The following GPC6 variants were observed in gnomAD, a reference collection of about 807,000 sequenced individuals.
GPC6 encodes glypican-6.
A neutral mutation model predicts 55.2 loss-of-function variants in GPC6; 14 were observed. The observed-to-expected ratio is 0.25, with a 90% CI of 0.17 to 0.40. The LOEUF (loss-of-function observed/expected upper bound fraction) is 0.40, where lower values mean the gene tolerates loss of function less well. Among genes scored for constraint, GPC6 ranks in the 10% least tolerant of loss-of-function variants. The pLI is 1.00. For synonymous variants in GPC6, 278 were observed against 259.6 expected (o/e 1.07, Z -0.68); for missense variants, 641 against 708.5 (o/e 0.90, Z 1.08).
intron 1 of GPC6, among the ~76,000 whole-genome samples, chr13:93,327,055 A>T (rs2139131393): frequency 6.6e-6 from 1 of 152,356 alleles, no homozygotes; most frequent in South Asian, 2.1e-4. Context: ...AAAGAAAAAA[A>T]GGATGAGAAT....
chr13:93,332,261 C>CTG (rs1879877661), intron 1 of GPC6, among the ~76,000 whole-genome samples: 1 of 129,950 alleles, frequency 7.7e-6, no homozygotes, highest in African/African-American at 2.8e-5. Context: ...TTCTGTTTTT[C>CTG]TTTTTTTTTT....
intron 4 of GPC6, among the ~76,000 whole-genome samples, chr13:94,111,475 TAATAA>T (rs1886245489): frequency 1.8e-4 from 1 of 5,650 alleles, no homozygotes. Context: ...AAAGTAAATA[TAATAA>T]TAATAATAAT....
intron 1 of GPC6, among the ~76,000 whole-genome samples, chr13:93,313,732 T>A (rs1204299787): frequency 6.6e-6 from 1 of 152,058 alleles, no homozygotes; most frequent in Non-Finnish European, 1.5e-5. Flanking sequence ...ACAAGTATGA[T>A]CATAGTGCAC....
chr13:93,253,480 A>C (rs1397908751), intron 1 of GPC6, among the ~76,000 whole-genome samples: 1 of 152,216 alleles, frequency 6.6e-6, no homozygotes, highest in Non-Finnish European at 1.5e-5. Flanking sequence ...CCTGCCCTTA[A>C]GGTACACATA....
chr13:93,599,266 T>C (rs558379494), intron 2 of GPC6, among the ~76,000 whole-genome samples: 2 of 149,328 alleles, frequency 1.3e-5, no homozygotes, highest in South Asian at 4.2e-4. Flanking sequence ...AGATATTACT[T>C]AGAAACTGCC....
intron 2 of GPC6, among the ~76,000 whole-genome samples, chr13:93,578,579 T>C (rs1022619940): frequency 6.6e-6 from 1 of 151,850 alleles, no homozygotes; most frequent in Non-Finnish European, 1.5e-5. Context: ...GGGTCTTTTT[T>C]TCTTAGTCTA....
At chr13:94,314,320 A>G (rs576581084) in intron 6 of GPC6, among the ~76,000 whole-genome samples, 11 of 152,364 alleles carry the variant, frequency 7.2e-5, no homozygotes, top group African/African-American at 2.6e-4. Context: ...TGCAAATTAA[A>G]AACATTAAAC....
At chr13:93,418,361 C>T (rs1348265395) in intron 1 of GPC6, among the ~76,000 whole-genome samples, 2 of 151,098 alleles carry the variant, frequency 1.3e-5, no homozygotes, top group African/African-American at 4.8e-5. Context: ...ATTAATAATG[C>T]TATACCATAG....
chr13:93,985,200 C>T (rs1052127208), intron 3 of GPC6, among the ~76,000 whole-genome samples: 14 of 152,168 alleles, frequency 9.2e-5, no homozygotes, highest in Admixed American at 5.9e-4. Context: ...TTTGGGAGGC[C>T]GAGGTGACTG....
At chr13:93,670,510 C>T (rs940929008) in intron 2 of GPC6, among the ~76,000 whole-genome samples, 1 of 152,036 alleles carries the variant, frequency 6.6e-6, no homozygotes, top group Non-Finnish European at 1.5e-5. Flanking sequence ...GATTTATGTC[C>T]TAACCAATTG....
chr13:94,390,891 A>T (rs1880615748), intron 7 of GPC6, among the ~76,000 whole-genome samples: 2 of 152,130 alleles, frequency 1.3e-5, no homozygotes, highest in Non-Finnish European at 1.5e-5. Flanking sequence ...GGGAAAAAAA[A>T]AATAAATGTT....
At chr13:93,796,194 G>A (rs868387799) in intron 2 of GPC6, among the ~76,000 whole-genome samples, 3 of 141,598 alleles carry the variant, frequency 2.1e-5, no homozygotes, top group East Asian at 2.8e-4. Context: ...AGACCCTGTT[G>A]AAAAAAAAAG....
intron 2 of GPC6, among the ~76,000 whole-genome samples, chr13:93,723,093 T>C (rs1883505939): frequency 6.6e-6 from 1 of 151,988 alleles, no homozygotes; most frequent in African/African-American, 2.4e-5. Flanking sequence ...TTGACAACAT[T>C]TAGCTCAATG....
intron 1 of GPC6, among the ~76,000 whole-genome samples, chr13:93,418,827 T>G (rs1331270334): frequency 6.7e-6 from 1 of 149,850 alleles, no homozygotes; most frequent in Non-Finnish European, 1.5e-5. Flanking sequence ...AGCATCACTT[T>G]ATTAATGGCA....
chr13:94,027,526 G>A (rs1181309732), intron 3 of GPC6, among the ~76,000 whole-genome samples: 1 of 151,840 alleles, frequency 6.6e-6, no homozygotes, highest in Non-Finnish European at 1.5e-5. Flanking sequence ...CAATGACATC[G>A]ATATGAAAAT....
chr13:94,148,511 G>T (rs944713862), intron 4 of GPC6, among the ~76,000 whole-genome samples: 2 of 149,908 alleles, frequency 1.3e-5, no homozygotes, highest in African/African-American at 4.9e-5. Flanking sequence ...GGAAATATAA[G>T]ATATTATTTT....
At chr13:93,362,720 T>C (rs757637644) in intron 1 of GPC6, among the ~76,000 whole-genome samples, 3 of 152,102 alleles carry the variant, frequency 2.0e-5, no homozygotes, top group Non-Finnish European at 4.4e-5. Flanking sequence ...GGTGAGGTCT[T>C]ACATAGGAAA....
intron 4 of GPC6, among the ~76,000 whole-genome samples, chr13:94,240,081 G>A (rs768165550): frequency 2.6e-5 from 4 of 152,090 alleles, no homozygotes; most frequent in Non-Finnish European, 5.9e-5. Context: ...ATAGCAGAGA[G>A]GCATATTTTT....
chr13:94,225,170 T>G (rs1486123994), intron 4 of GPC6, among the ~76,000 whole-genome samples: 2 of 152,088 alleles, frequency 1.3e-5, no homozygotes, highest in Non-Finnish European at 2.9e-5. Context: ...CCTCTTCAAT[T>G]AGGGCATGAA....
Sources: allele counts gnomAD v4.1 joint callset (sites outside exome capture counted in the v4.1 genomes callset), GRCh38; gene constraint gnomAD v4.1.1; transcripts MANE v1.5; gene names NCBI Gene and HGNC (gene_info 2026-07-23, HGNC 2026-07-21).